Variants in TLN2 observed in about 807,000 individuals in gnomAD.
TLN2 encodes the protein talin-2.
Under a neutral mutation model 294.7 loss-of-function variants are expected in TLN2, and 118 were observed. The observed-to-expected ratio is 0.40, with a 90% CI of 0.34 to 0.47. The LOEUF is 0.47. Ranked by LOEUF, TLN2 falls within the 20% of genes least tolerant of loss-of-function variation. TLN2 has a pLI of 0.84. For missense variants in TLN2, 3,083 were observed against 3,282.2 expected (o/e 0.94, Z 1.48); for synonymous variants, 1,431 against 1,304.5 (o/e 1.10, Z -2.09).
chr15:62,798,084 A>G (rs887781596), intron 48 of TLN2, among the ~76,000 whole-genome samples: 1 of 152,118 alleles, frequency 6.6e-6, no homozygotes, highest in African/African-American at 2.4e-5. Flanking sequence ...GAAGACTGGG[A>G]ACTGGTTATT....
chr15:62,544,646 A>G (rs565072617), intron 1 of TLN2, among the ~76,000 whole-genome samples: 1 of 152,180 alleles, frequency 6.6e-6, no homozygotes, highest in Non-Finnish European at 1.5e-5. Context: ...GCGCCATCCT[A>G]CATTTTTTCC....
rs372549302 is a variant in TLN2 at position 62,836,006 on chromosome 15, C to T, written c.7307C>T (p.Thr2436Met). 7.4e-6 allele frequency: 12 copies of T among 1,613,410 alleles called. No homozygotes were observed. Among genetic ancestry groups the T allele is most frequent in the East Asian group, 2.2e-5 (1 of 44,858 alleles). Residue 2436 changes from threonine (T) to methionine (M), a missense_variant, in exon 57 of 59, where the codon ACG (threonine) becomes ATG (methionine). Physicochemically the swap from Thr to Met is moderately conservative, Grantham distance 81. Transcript: ENST00000636159. ...ISSAKQVAAS[T>M]AQLLVACKVK... ...TCTGCCAAGCAGGTCGCCGCTTCCACGGCTCAGCTGCTGGTGGCCTGCAAG... is the reference window on the plus strand; with the variant it reads ...TCTGCCAAGCAGGTCGCCGCTTCCATGGCTCAGCTGCTGGTGGCCTGCAAG...
chr15:62,730,180 T>A (rs774056688), intron 28 of TLN2, among the ~76,000 whole-genome samples: 2 of 152,060 alleles, frequency 1.3e-5, no homozygotes, highest in Non-Finnish European at 2.9e-5. Flanking sequence ...TGGCTGGGAC[T>A]ATAGGTGTGT....
intron 2 of TLN2, among the ~76,000 whole-genome samples, chr15:62,612,829 A>T (rs1256049257): frequency 1.3e-5 from 2 of 152,216 alleles, no homozygotes; most frequent in Non-Finnish European, 2.9e-5. Context: ...TGAAATGAAC[A>T]TTTGCTCTGA....
chr15:62,771,380 T>C (rs2063342541), intron 42 of TLN2, among the ~76,000 whole-genome samples: 1 of 152,176 alleles, frequency 6.6e-6, no homozygotes, highest in South Asian at 2.1e-4. Flanking sequence ...GGAAGAAAAA[T>C]GTATGGTGCG....
intron 1 of TLN2, among the ~76,000 whole-genome samples, chr15:62,415,781 T>C (rs943070854): frequency 2.0e-5 from 3 of 152,180 alleles, no homozygotes; most frequent in African/African-American, 7.2e-5. Flanking sequence ...TGTGTGAGGC[T>C]GAGAGATTGT....
chr15:62,778,572 T>C (rs1220799147), intron 43 of TLN2, among the ~76,000 whole-genome samples: 2 of 152,270 alleles, frequency 1.3e-5, no homozygotes, highest in Non-Finnish European at 2.9e-5. Context: ...AAAGTCTTTC[T>C]TTGATAGCCC....
At chr15:62,624,321 G>A (rs1437759915) in intron 3 of TLN2, among the ~76,000 whole-genome samples, 3 of 152,154 alleles carry the variant, frequency 2.0e-5, no homozygotes, top group Admixed American at 1.3e-4. Flanking sequence ...TAAAAGTTAT[G>A]TATTACTGCC....
At chr15:62,511,815 A>G (rs1347660575) in intron 1 of TLN2, among the ~76,000 whole-genome samples, 1 of 151,946 alleles carries the variant, frequency 6.6e-6, no homozygotes, top group East Asian at 1.9e-4. Flanking sequence ...GAGTGACCCC[A>G]TTTTTCTGAA....
rs1230667028 is a variant in TLN2, at chr15:62,770,996, G to T, written c.5229G>T (p.Leu1743Phe). Residue 1743 changes from leucine to phenylalanine, a missense_variant, in exon 42 of 59, where the codon TTG (leucine) becomes TTT (phenylalanine). Transcript: ENST00000636159. ...AACTGGCAAGCTATTTTGAGCCCTT[G>T]ATCTTAGCCGCAGTTGGTGTGGCCT... ...VTQLASYFEP[L>F]ILAAVGVASK... 57 of 1,581,428 alleles carry T rather than the reference G, an allele frequency of 3.6e-5. No individual in the cohort carries two copies. Among genetic ancestry groups the T allele is most frequent in the Non-Finnish European group, 4.6e-5 (54 of 1,167,270 alleles).
intron 45 of TLN2, among the ~76,000 whole-genome samples, chr15:62,787,732 G>A (rs903782647): frequency 7.4e-5 from 9 of 121,490 alleles, no homozygotes; most frequent in Non-Finnish European, 1.3e-4. Context: ...AGAGTCTGTC[G>A]CCCAGGCTGG....
intron 43 of TLN2, among the ~76,000 whole-genome samples, chr15:62,777,334 C>T (rs902935563): frequency 2.6e-4 from 40 of 152,012 alleles, no homozygotes; most frequent in African/African-American, 8.7e-4. Context: ...GTCGGGAGTT[C>T]GAGACCAGCC....
At chr15:62,713,897 C>CATATATATATATATATATATAT (rs34783254) in intron 22 of TLN2, among the ~76,000 whole-genome samples, 11 of 119,056 alleles carry the variant, frequency 9.2e-5, no homozygotes, top group Non-Finnish European at 1.7e-4. Flanking sequence ...TTCTTTAAGC[C>CATATATATATATATATATATAT]ATATATATAT....
intron 50 of TLN2, among the ~76,000 whole-genome samples, chr15:62,805,394 T>C (rs1196592498): frequency 6.6e-6 from 1 of 152,204 alleles, no homozygotes; most frequent in Non-Finnish European, 1.5e-5. Context: ...CATGAATGTT[T>C]AGTGTAGGTG....
chr15:62,631,952 G>A (rs2140890470), intron 3 of TLN2, among the ~76,000 whole-genome samples: 1 of 152,216 alleles, frequency 6.6e-6, no homozygotes, highest in Non-Finnish European at 1.5e-5. Context: ...GTCAACCTCA[G>A]TTTCATCAGG....
chr15:62,838,892 C>T lies in TLN2; in HGVS notation c.7411C>T (p.Leu2471Phe), dbSNP rs140301741. Residue 2471 changes from leucine (L) to phenylalanine (F), a missense_variant, in exon 58 of 59, where the codon CTT (leucine) becomes TTT (phenylalanine). Leu to Phe is a conservative substitution (Grantham distance 22, BLOSUM62 0). Coordinates refer to ENST00000636159, the MANE Select transcript of TLN2 (RefSeq NM_015059.3). ...TGCTGTGAAAAGAGCCTCAGACAAT[C>T]TTGTCCGTGCAGCCCAGAAGGCAGC... ...GNAVKRASDN[L>F]VRAAQKAAFG... The T allele has an allele frequency of 3.1e-3, 4,933 of 1,611,060 alleles. 11 individuals are homozygous for T. The highest frequency in any genetic ancestry group is 3.7e-3 in the Non-Finnish European group (4,410 of 1,179,996).
intron 28 of TLN2, among the ~76,000 whole-genome samples, chr15:62,729,943 T>G (rs1239648269): frequency 6.6e-6 from 1 of 152,164 alleles, no homozygotes; most frequent in African/African-American, 2.4e-5. Flanking sequence ...AAATCTAAGT[T>G]ACTCTGTTTA....
At chr15:62,543,840 A>G (rs1325076264) in intron 1 of TLN2, among the ~76,000 whole-genome samples, 1 of 152,106 alleles carries the variant, frequency 6.6e-6, no homozygotes, top group Non-Finnish European at 1.5e-5. Context: ...TCACACAAAT[A>G]TATAATATTA....
At chr15:62,811,607 G>C (rs752235403) in intron 52 of TLN2, among the ~76,000 whole-genome samples, 4 of 152,216 alleles carry the variant, frequency 2.6e-5, no homozygotes, top group Non-Finnish European at 5.9e-5. Context: ...CATGGCCACT[G>C]TGTTATCTGG....
Sources: allele counts gnomAD v4.1 joint callset (sites outside exome capture counted in the v4.1 genomes callset), GRCh38; gene constraint gnomAD v4.1.1; transcripts MANE v1.5; gene names NCBI Gene and HGNC (gene_info 2026-07-23, HGNC 2026-07-21).